UGT1A7: variants seen among roughly 807,000 people sequenced by gnomAD.
The protein encoded by UGT1A7 is UDP-glucuronosyltransferase 1A7.
A neutral mutation model predicts 45.6 loss-of-function variants in UGT1A7; 33 were observed. The ratio of observed to expected loss-of-function variants is 0.72; its 90% confidence interval spans 0.55 to 0.97. UGT1A7 has a LOEUF of 0.97. UGT1A7 is among the 50% of genes least tolerant of loss of function. The pLI is 0.00. For synonymous variants in UGT1A7, 274 were observed against 250.6 expected, an observed-to-expected ratio of 1.09 and a Z score of -0.88; for missense variants, 684 against 666.2, an observed-to-expected ratio of 1.03 and a Z score of -0.29.
intron 1 of UGT1A7, among the ~76,000 whole-genome samples, chr2:233,759,519 G>A (rs757989605): frequency 9.9e-5 from 15 of 152,084 alleles, no homozygotes; most frequent in Non-Finnish European, 2.2e-4. Context: ...GCCTGTCCTT[G>A]GGGAAGACTT....
At chr2:233,715,729 G>A (rs754544247) in intron 1 of UGT1A7, among the ~76,000 whole-genome samples, 1 of 152,122 alleles carries the variant, frequency 6.6e-6, no homozygotes, top group Non-Finnish European at 1.5e-5. Flanking sequence ...CCATGTTCAC[G>A]CCACCTCACT....
At chr2:233,770,514 C>G (rs191930447) in intron 4 of UGT1A7, 1 of 152,018 alleles carries the variant, frequency 6.6e-6, no homozygotes, top group Non-Finnish European at 1.5e-5. Flanking sequence ...AAAAATTACC[C>G]AGGCATGGTG....
intron 1 of UGT1A7, among the ~76,000 whole-genome samples, chr2:233,699,126 T>C (rs868039744): frequency 2.0e-5 from 3 of 152,228 alleles, no homozygotes; most frequent in Admixed American, 6.5e-5. Context: ...GTTCTACTTA[T>C]GTCAGATTCT....
Position 233,772,576 on chromosome 2 carries a change from A to G in UGT1A7, c.*17A>G. The stretch of plus-strand genomic sequence containing the variant: ...ACCCATTGAGAAGTGGGTGGGAAAT[A>G]AGGTAAAATTTTGAACCATTCCCTA... On this transcript the variant is annotated 3_prime_UTR_variant, in exon 5 of 5. Transcript: ENST00000373426. 6.2e-7 allele frequency: 1 copy of G among 1,610,732 alleles called. No homozygotes were observed. Among genetic ancestry groups the G allele is most frequent in the Non-Finnish European group, 8.5e-7 (1 of 1,178,228 alleles).
chr2:233,713,197 T>C (rs763203503), intron 1 of UGT1A7: 21 of 1,614,042 alleles, frequency 1.3e-5, no homozygotes, highest in South Asian at 8.8e-5. Flanking sequence ...AATATGTACA[T>C]CAAAGAAGAG....
At chr2:233,758,423 G>A (rs1305067521) in intron 1 of UGT1A7, among the ~76,000 whole-genome samples, 1 of 152,182 alleles carries the variant, frequency 6.6e-6, no homozygotes, top group Non-Finnish European at 1.5e-5. Flanking sequence ...ATCTGCAAAT[G>A]AACTCACACA....
chr2:233,693,993 C>G (rs1321694157), intron 1 of UGT1A7: 16 of 1,526,640 alleles, frequency 1.0e-5, no homozygotes, highest in Non-Finnish European at 1.4e-5. Context: ...GAAGTGATAC[C>G]CGGCTCGGAG....
intron 1 of UGT1A7, chr2:233,747,895 C>T: frequency 6.2e-7 from 1 of 1,613,566 alleles, no homozygotes; most frequent in Non-Finnish European, 8.5e-7. Context: ...CATGCTCTTT[C>T]TGCTCCTTAT....
At chr2:233,712,949 A>G (rs374838145) in intron 1 of UGT1A7, 2 of 1,612,750 alleles carry the variant, frequency 1.2e-6, no homozygotes, top group Non-Finnish European at 1.7e-6. Flanking sequence ...TCTAGGAGGC[A>G]CAACGTGGGG....
chr2:233,750,239 C>A (rs1187783492), intron 1 of UGT1A7, among the ~76,000 whole-genome samples: 6 of 151,854 alleles, frequency 4.0e-5, no homozygotes, highest in African/African-American at 1.2e-4. Context: ...TTATTGGGAA[C>A]TGGAACAAAG....
At chr2:233,763,667 A>G (rs1461035011) in intron 1 of UGT1A7, among the ~76,000 whole-genome samples, 2 of 152,194 alleles carry the variant, frequency 1.3e-5, no homozygotes, top group African/African-American at 4.8e-5. Context: ...AAAACTCCTG[A>G]ACTTTAAGAA....
intron 2 of UGT1A7, 73 bp from the exon 3 acceptor site, chr2:233,767,776 G>A: frequency 1.2e-6 from 2 of 1,612,490 alleles, no homozygotes; most frequent in Admixed American, 1.7e-5. Context: ...CTGTTTTCTA[G>A]TTAGTATAGC....
rs146169334 is a variant in UGT1A7 at position 233,742,180 on chromosome 2, T to C, written c.856-24854T>C. 6.3e-4 allele frequency among the ~76,000 whole-genome samples: 95 copies of C among 151,416 alleles called. 3 individuals carry two copies. The highest frequency in any genetic ancestry group is 2.3e-3 in the African/African-American group (94 of 40,990). On this transcript the variant is annotated intron_variant, in intron 1 of 4. Transcript: ENST00000373426. Reference sequence around the variant, plus strand: ...AAGACACACACACAGAAATATAGAGTGTGGAGTGGGAAATCAGGGGACTCA... The same window carrying C: ...AAGACACACACACAGAAATATAGAGCGTGGAGTGGGAAATCAGGGGACTCA...
chr2:233,727,430 A>C (rs1214577607), intron 1 of UGT1A7, among the ~76,000 whole-genome samples: 1 of 152,124 alleles, frequency 6.6e-6, no homozygotes, highest in African/African-American at 2.4e-5. Flanking sequence ...GGAGTCCCAG[A>C]CATGTGACAA....
chr2:233,700,798 T>G (rs1387301814), intron 1 of UGT1A7, among the ~76,000 whole-genome samples: 1 of 152,156 alleles, frequency 6.6e-6, no homozygotes, highest in Admixed American at 6.5e-5. Flanking sequence ...TGTATACATG[T>G]GCCATGTTGG....
intron 1 of UGT1A7, chr2:233,747,082 G>A (rs1458761598): frequency 2.6e-6 from 3 of 1,146,350 alleles, no homozygotes; most frequent in Non-Finnish European, 3.6e-6. Flanking sequence ...TTAACTAGGA[G>A]GAGAGCACTC....
chr2:233,768,117 TGTGA>T, intron 3 of UGT1A7, 99 bp from the exon 4 acceptor site: 1 of 1,600,038 alleles, frequency 6.2e-7, no homozygotes, highest in Non-Finnish European at 8.5e-7. Flanking sequence ...TGCAAGGGCA[TGTGA>T]GTAACACTGA....
intron 1 of UGT1A7, chr2:233,761,067 T>C (rs1431222562): frequency 6.2e-7 from 1 of 1,614,228 alleles, no homozygotes; most frequent in African/African-American, 1.3e-5. Flanking sequence ...GAAGTGACTT[T>C]GTGAAGGATT....
At chr2:233,739,666 C>T (rs1691171708) in intron 1 of UGT1A7, among the ~76,000 whole-genome samples, 1 of 152,188 alleles carries the variant, frequency 6.6e-6, no homozygotes, top group East Asian at 1.9e-4. Context: ...CCCATTGTGT[C>T]TTGGAAGTTA....
Sources: allele counts gnomAD v4.1 joint callset (sites outside exome capture counted in the v4.1 genomes callset), GRCh38; gene constraint gnomAD v4.1.1; transcripts MANE v1.5; gene names NCBI Gene and HGNC (gene_info 2026-07-23, HGNC 2026-07-21).